The following PAFAH1B2 variants were observed in gnomAD, a reference collection of about 807,000 sequenced individuals.
PAFAH1B2 encodes platelet activating factor acetylhydrolase 1b catalytic subunit 2.
PAFAH1B2 carries 8 observed loss-of-function variants against 28.0 expected under a neutral mutation model. The ratio of observed to expected loss-of-function variants is 0.29; its 90% CI spans 0.17 to 0.52. The LOEUF (loss-of-function observed/expected upper bound fraction) is 0.52. Ranked by LOEUF, PAFAH1B2 falls within the 20% of genes least tolerant of loss-of-function variation. The pLI is 0.97. For missense variants in PAFAH1B2, 190 were observed against 282.6 expected (o/e 0.67, Z 2.35); for synonymous variants, 104 against 103.2 (o/e 1.01, Z -0.05).
At chr11:117,152,722 C>T (rs747345255) in intron 2 of PAFAH1B2, among the ~76,000 whole-genome samples, 194 bp downstream of exon 2, 6 of 152,038 alleles carry the variant, frequency 3.9e-5, no homozygotes, top group Non-Finnish European at 7.4e-5. Flanking sequence ...CTGGCTTCTT[C>T]AATTATTTTA....
intron 1 of PAFAH1B2, among the ~76,000 whole-genome samples, chr11:117,148,306 GC>G (rs548150870): frequency 1.1e-4 from 16 of 151,742 alleles, no homozygotes; most frequent in Non-Finnish European, 1.8e-4. Flanking sequence ...TCCTGCCTCG[GC>G]CCCCCCAAAA....
intron 2 of PAFAH1B2, among the ~76,000 whole-genome samples, chr11:117,155,544 G>T (rs1046254029): frequency 2.0e-5 from 3 of 152,088 alleles, no homozygotes; most frequent in African/African-American, 7.2e-5. Context: ...TCTAATTCAG[G>T]TTCAAGTACA....
intron 3 of PAFAH1B2, 31 bp downstream of exon 3, chr11:117,160,054 G>A (rs1258774981): frequency 7.0e-7 from 1 of 1,437,350 alleles, no homozygotes; most frequent in Non-Finnish European, 9.8e-7. Flanking sequence ...CGTGGTTCTT[G>A]GCTACTCATG....
chr11:117,154,019 C>T (rs1396501555), intron 2 of PAFAH1B2, among the ~76,000 whole-genome samples: 1 of 150,024 alleles, frequency 6.7e-6, no homozygotes, highest in Non-Finnish European at 1.5e-5. Flanking sequence ...GAAGTCAAGG[C>T]GGGAGGATCA....
chr11:117,177,477 A>T (rs2030048257), downstream of PAFAH1B2, among the ~76,000 whole-genome samples: 1 of 152,064 alleles, frequency 6.6e-6, no homozygotes, highest in South Asian at 2.1e-4. Flanking sequence ...GTTTAGTACA[A>T]TTTTTTTCTA....
chr11:117,162,915 C>T (rs775528507), intron 4 of PAFAH1B2, among the ~76,000 whole-genome samples: 4 of 150,194 alleles, frequency 2.7e-5, no homozygotes, highest in Non-Finnish European at 5.9e-5. Context: ...CAGTCTTGAA[C>T]TCCTGGGCTG....
At chr11:117,175,830 C>A, downstream of PAFAH1B2, 2 of 1,362,938 alleles carry the variant, frequency 1.5e-6, no homozygotes, top group Non-Finnish European at 2.0e-6. Flanking sequence ...ACTCGAGAGG[C>A]TGTGGCAGAT....
Position 117,170,755 on chromosome 11 carries a change from A to G in PAFAH1B2, c.*3056A>G. 2 of 1,059,042 alleles carry G rather than the reference A, an allele frequency of 1.9e-6. No individual in the cohort carries two copies. Among genetic ancestry groups the G allele is most frequent in the Non-Finnish European group, 2.3e-6 (2 of 875,522 alleles). The allele number at this position is 1,059,042 out of a possible 1,614,324, so 65.6% of individuals were successfully genotyped here. On this transcript the variant is annotated 3_prime_UTR_variant, in exon 6 of 6. Coordinates refer to ENST00000527958, the MANE Select transcript of PAFAH1B2 (RefSeq NM_002572.4). ...GGTGTATGAGCATTGCCAACTTTAT[A>G]TTTATTGCAGTGAAGAAGAAACTAA...
chr11:117,144,347 A>T lies in PAFAH1B2; in HGVS notation c.-79A>T, dbSNP rs1184479328. ...GACGCGCCGGAGCGGGACCGACGGGACCGAGCGAGCGACCGACGCGCCACC... is the reference window on the plus strand; with the variant it reads ...GACGCGCCGGAGCGGGACCGACGGGTCCGAGCGAGCGACCGACGCGCCACC... On this transcript the variant is annotated 5_prime_UTR_variant, in exon 1 of 6. Transcript: ENST00000527958. 2 of 421,828 alleles carry T rather than the reference A, an allele frequency of 4.7e-6. No homozygotes were observed. The highest frequency in any genetic ancestry group is 4.2e-5 in the African/African-American group (2 of 47,660). The allele number at this position is 421,828 out of a possible 1,614,324, so 26.1% of individuals were successfully genotyped here. A position where few individuals can be genotyped will look rare whatever the true frequency, so the allele number is the denominator to read the frequency against.
At chr11:117,144,568 T>A (rs1185428189) in intron 1 of PAFAH1B2, 150 bp downstream of exon 1, 1 of 153,290 alleles carries the variant, frequency 6.5e-6, no homozygotes, top group African/African-American at 2.6e-5. Flanking sequence ...GGGGGGGGCC[T>A]CGCGAGCGCG....
chr11:117,146,132 TTG>T (rs1298967257), intron 1 of PAFAH1B2, among the ~76,000 whole-genome samples: 45 of 132,778 alleles, frequency 3.4e-4, no homozygotes, highest in African/African-American at 1.4e-3. Context: ...TTTTTTTTTT[TTG>T]TGTGTGTGAC....
chr11:117,149,033 A>ATTTTT (rs71037462), intron 1 of PAFAH1B2, among the ~76,000 whole-genome samples: 4 of 118,606 alleles, frequency 3.4e-5, no homozygotes, highest in South Asian at 2.7e-4. Flanking sequence ...ACACCTGCCA[A>ATTTTT]TTTTTTTTTT....
chr11:117,163,157 G>C (rs1956412351), intron 4 of PAFAH1B2, among the ~76,000 whole-genome samples: 1 of 151,996 alleles, frequency 6.6e-6, no homozygotes, highest in South Asian at 2.1e-4. Flanking sequence ...TATGATAGGA[G>C]GCATAAATCG....
chr11:117,163,968 C>A, intron 5 of PAFAH1B2, 76 bp downstream of exon 5: 2 of 1,473,074 alleles, frequency 1.4e-6, no homozygotes, highest in South Asian at 1.2e-5. Flanking sequence ...TGTGATTGCT[C>A]ATGAATATTA....
In PAFAH1B2 at chr11:117,170,890, AG is replaced by A. The variant is rs940695838; in HGVS notation, c.*3193del. 11 of 1,060,066 alleles carry A rather than the reference AG, an allele frequency of 1.0e-5. No individual in the cohort carries two copies. The African/African-American group carries it at 1.5e-4, about 14-fold the overall frequency. 65.7% of individuals were successfully genotyped at this position (1,060,066 alleles called of 1,614,324 possible). On this transcript the variant is annotated 3_prime_UTR_variant, in exon 6 of 6. Transcript: ENST00000527958. ...GAGGCTTTTTGGAGAGGGGTCCCCC[AG>A]GTTTCTTGGTGTTCCTGCTTGGGGA...
At chr11:117,146,021 C>T (rs1193027579) in intron 1 of PAFAH1B2, among the ~76,000 whole-genome samples, 2 of 151,988 alleles carry the variant, frequency 1.3e-5, no homozygotes, top group African/African-American at 4.8e-5. Flanking sequence ...CTTTAATGGA[C>T]AACAAAGCTT....
At chr11:117,146,126 T>G (rs879456655) in intron 1 of PAFAH1B2, among the ~76,000 whole-genome samples, 2,944 of 110,920 alleles carry the variant, frequency 0.027, 38 homozygotes, top group Non-Finnish European at 0.041. Context: ...TTTTTTTTTT[T>G]TTTTTTTGTG....
intron 2 of PAFAH1B2, among the ~76,000 whole-genome samples, chr11:117,153,838 C>T (rs1956206776): frequency 6.6e-6 from 1 of 151,920 alleles, no homozygotes; most frequent in South Asian, 2.1e-4. Flanking sequence ...TTATTAAAAT[C>T]ATGAGATGTA....
chr11:117,161,294 T>C (rs1278960224), intron 4 of PAFAH1B2, 33 bp downstream of exon 4: 1 of 1,302,742 alleles, frequency 7.7e-7, no homozygotes, highest in Non-Finnish European at 1.1e-6. Flanking sequence ...ATGTCATTAA[T>C]CTTAAGTCTG....
Sources: allele counts gnomAD v4.1 joint callset (sites outside exome capture counted in the v4.1 genomes callset), GRCh38; gene constraint gnomAD v4.1.1; transcripts MANE v1.5; gene names NCBI Gene and HGNC (gene_info 2026-07-23, HGNC 2026-07-21).